The following GTF3C4 variants were observed in gnomAD, a reference collection of about 807,000 sequenced individuals.
GTF3C4 encodes the protein general transcription factor 3C polypeptide 4.
GTF3C4 carries 28 observed loss-of-function variants against 67.5 expected under a neutral mutation model. That is an observed-to-expected ratio of 0.41 (90% confidence interval 0.31 to 0.57). The LOEUF is 0.57. Among genes scored for constraint, GTF3C4 ranks in the 20% least tolerant of loss-of-function variants. The probability of loss-of-function intolerance (pLI) is 0.21; values close to 1 mark genes in which losing one functional copy is unlikely to be tolerated. For synonymous variants in GTF3C4, 409 were observed against 393.0 expected (o/e 1.04, Z -0.48); for missense variants, 831 against 1,033.2 (o/e 0.80, Z 2.68).
In GTF3C4 at chr9:132,689,945, CT is replaced by C. The variant is rs1836089012; in HGVS notation, c.*1003del. ...TAAGTTGAACAGAGCCTGGGAATTT[CT>C]TTCCTCTGCACAGTCCCTTGATATT... On this transcript the variant is annotated 3_prime_UTR_variant, in exon 5 of 5. Coordinates refer to ENST00000372146, the MANE Select transcript of GTF3C4 (RefSeq NM_012204.4). The C allele has an allele frequency of 6.6e-6, 1 of 152,192 alleles. No individual in the cohort carries two copies. Among genetic ancestry groups the C allele is most frequent in the Non-Finnish European group, 1.5e-5 (1 of 68,054 alleles). The allele number at this position is 152,192 out of a possible 1,614,324, so 9.4% of individuals were successfully genotyped here.
upstream of GTF3C4, chr9:132,670,085 CG>C (rs1835648676): frequency 6.4e-7 from 1 of 1,560,788 alleles, no homozygotes; most frequent in Non-Finnish European, 8.7e-7. Flanking sequence ...CGAGGGGAGC[CG>C]GGGACGGCGG....
chr9:132,673,807 CATT>C (rs1295980600), intron 1 of GTF3C4, among the ~76,000 whole-genome samples: 6 of 152,152 alleles, frequency 3.9e-5, no homozygotes, highest in African/African-American at 1.4e-4. Flanking sequence ...ATAGTTCAGA[CATT>C]AATTATCAGC....
At chr9:132,670,264 T>A (rs759970516), upstream of GTF3C4, 1 of 1,518,998 alleles carries the variant, frequency 6.6e-7, no homozygotes. Context: ...CCGACGAGCC[T>A]CCCCTTTACC....
At chr9:132,676,420 G>A (rs1835866086) in intron 1 of GTF3C4, among the ~76,000 whole-genome samples, 1 of 149,930 alleles carries the variant, frequency 6.7e-6, no homozygotes, top group South Asian at 2.1e-4. Flanking sequence ...CCAGATTCAA[G>A]CAGTTCTCCT....
chr9:132,677,692 C>T (rs1418997699), intron 1 of GTF3C4, among the ~76,000 whole-genome samples: 1 of 152,158 alleles, frequency 6.6e-6, no homozygotes, highest in Admixed American at 6.5e-5. Context: ...CTAAAGCTGG[C>T]ATTTGTATTG....
At position 132,687,276 on chromosome 9, in the gene GTF3C4, T is replaced by C. The variant is rs1033266842; in HGVS notation, c.2353T>C (p.Tyr785His). 3.1e-5 allele frequency: 50 copies of C among 1,599,968 alleles called. No homozygotes were observed. The highest frequency in any genetic ancestry group is 4.0e-5 in the Non-Finnish European group (47 of 1,175,840). ...LTYQSCQSLI[Y>H]RRCLLHDSIA... ...CTACCAGTCCTGCCAGAGTTTGATA[T>C]ATAGAAGGTGTTTGCTCCATGACAG... The change falls in exon 4 of 5, where the codon TAT becomes CAT. Residue 785 changes from tyrosine (Y) to histidine (H), a missense_variant. Transcript: ENST00000372146.
At chr9:132,682,593 A>ATTT (rs1348933474) in intron 2 of GTF3C4, among the ~76,000 whole-genome samples, 3 of 124,422 alleles carry the variant, frequency 2.4e-5, no homozygotes, top group African/African-American at 1.0e-4. Flanking sequence ...AAACAGTATA[A>ATTT]TCTTTTTTTT....
intron 1 of GTF3C4, among the ~76,000 whole-genome samples, chr9:132,674,809 C>T (rs1835840480): frequency 6.6e-6 from 1 of 152,224 alleles, no homozygotes; most frequent in Non-Finnish European, 1.5e-5. Flanking sequence ...GCCGGAGGAT[C>T]GCTTGAGCCC....
Position 132,675,400 on chromosome 9 carries a change from T to G in GTF3C4, c.358-2577T>G, listed in dbSNP as rs138652530. The stretch of plus-strand genomic sequence containing the variant: ...ACCTACACCTCATTTAATTGGCATT[T>G]TCAGTCTATGATTCTCCAGCAAGTT... On this transcript the variant is annotated intron_variant, in intron 1 of 4. Transcript: ENST00000372146. Among the ~76,000 whole-genome samples the G allele has an allele frequency of 1.0e-3, 158 of 152,320 alleles. 2 individuals carry two copies. In the East Asian group the frequency reaches 0.028, roughly 27 times the overall value.
chr9:132,683,946 T>C (rs995928258), intron 3 of GTF3C4, among the ~76,000 whole-genome samples: 1 of 152,220 alleles, frequency 6.6e-6, no homozygotes, highest in Non-Finnish European at 1.5e-5. Flanking sequence ...ATTTTCCTAA[T>C]TGAACAAATT....
At position 132,671,137 on chromosome 9, in the gene GTF3C4, C is replaced by T. The variant is rs899924336; in HGVS notation, c.357+182C>T. Among the ~76,000 whole-genome samples, 3 of 152,004 alleles carry T rather than the reference C, an allele frequency of 2.0e-5. 1 individual carries two copies. Among genetic ancestry groups the T allele is most frequent in the Admixed American group, 2.0e-4 (3 of 15,254 alleles). ...TAAAAAAAAAAAAAGAAAAGCTCTG[C>T]AGCTGTCTGCACCCTGTTTCCCCAG... On this transcript the variant is annotated intron_variant, in intron 1 of 4. Coordinates refer to ENST00000372146, the MANE Select transcript of GTF3C4 (RefSeq NM_012204.4).
intron 2 of GTF3C4, among the ~76,000 whole-genome samples, chr9:132,683,024 CA>C (rs1835969907): frequency 6.6e-6 from 1 of 152,182 alleles, no homozygotes; most frequent in African/African-American, 2.4e-5. Context: ...CATGCCTCTG[CA>C]GTGGGGTCAG....
chr9:132,679,245 A>G lies in GTF3C4; in HGVS notation c.1626A>G (p.Leu542=), dbSNP rs377604864. 22 of 1,613,218 alleles carry G rather than the reference A, an allele frequency of 1.4e-5. No individual in the cohort carries two copies. In the African/African-American group the frequency reaches 2.9e-4, roughly 22 times the overall value. The change falls in exon 2 of 5, where the codon CTA becomes CTG. Residue 542 remains leucine, a synonymous_variant. Transcript: ENST00000372146. The surrounding 1 kb of genome is among the most constrained non-coding windows in gnomAD (Gnocchi z 5.9). ...NLFKQVDLID[L]VRWKILKDKH... ...TTAAGCAGGTAGATTTAATAGACCT[A>G]GTACGCTGGAAGATTTTAAAAGATA...
intron 1 of GTF3C4, among the ~76,000 whole-genome samples, chr9:132,677,403 C>T (rs540956847): frequency 2.2e-4 from 34 of 152,278 alleles, no homozygotes; most frequent in Middle Eastern, 6.8e-3. Context: ...CTCTGTCTTA[C>T]TGTCCCATAC....
chr9:132,686,131 T>C (rs1000216176), intron 3 of GTF3C4, among the ~76,000 whole-genome samples: 18 of 145,052 alleles, frequency 1.2e-4, no homozygotes, highest in Non-Finnish European at 2.6e-4. Context: ...ACAGATGAGA[T>C]TGGGGCCTGG....
In GTF3C4 at chr9:132,678,094, C is replaced by T. The variant is rs1340310794; in HGVS notation, c.475C>T (p.Pro159Ser). ...RVFNPEGKAL[P>S]PMRGFKYTSW... ...GTTCAACCCTGAGGGGAAGGCTTTA[C>T]CACCAATGAGAGGATTCAAGTACAC... The change falls in exon 2 of 5, where the codon CCA becomes TCA. Residue 159 changes from proline to serine, a missense_variant. Transcript: ENST00000372146. The surrounding 1 kb of genome is among the most constrained non-coding windows in gnomAD (Gnocchi z 6.5). 1.2e-6 allele frequency: 2 copies of T among 1,614,182 alleles called. No individual in the cohort carries two copies. The highest frequency in any genetic ancestry group is 2.2e-5 in the South Asian group (2 of 91,088).
At position 132,670,848 on chromosome 9, in the gene GTF3C4, C is replaced by T. The variant is rs767061987; in HGVS notation, c.250C>T (p.Arg84Cys). The change falls in exon 1 of 5, where the codon CGC (arginine) becomes TGC (cysteine). Residue 84 changes from arginine to cysteine, a missense_variant. This residue lies in a region of GTF3C4 where 237 missense variants were observed against 212.7 expected (regional missense o/e 1.11). Coordinates refer to ENST00000372146, the MANE Select transcript of GTF3C4 (RefSeq NM_012204.4). ...CCACCGCGTGTCTGTGTCCACGGCCCGCAGCATCGCTGTGCTGGAGCTCAT... is the reference window on the plus strand; with the variant it reads ...CCACCGCGTGTCTGTGTCCACGGCCTGCAGCATCGCTGTGCTGGAGCTCAT... ...EDHRVSVSTARSIAVLELICD... is the reference protein window; with the variant it reads ...EDHRVSVSTACSIAVLELICD... 1.4e-5 allele frequency: 22 copies of T among 1,611,210 alleles called. 1 individual carries two copies. In the South Asian group the frequency reaches 2.3e-4, roughly 17 times the overall value.
chr9:132,678,219 G>T lies in GTF3C4; in HGVS notation c.600G>T (p.Leu200=). 6.2e-7 allele frequency: 1 copy of T among 1,614,212 alleles called. No individual in the cohort carries two copies. ...CCATCCAGGCAAATCTCAACAGACT[G>T]CAGTGGGTCCAGCTGGTTGACCTGA... The part of the protein sequence containing the change: ...RLTIQANLNR[L]QWVQLVDLTE... The change falls in exon 2 of 5, where the codon CTG becomes CTT. Residue 200 remains leucine, a synonymous_variant. Transcript: ENST00000372146. The surrounding 1 kb of genome is among the most constrained non-coding windows in gnomAD (Gnocchi z 6.5).
rs1471061777 is a variant in GTF3C4, at chr9:132,690,022, A to G, written c.*1077A>G. 1 of 152,272 alleles carries G rather than the reference A, an allele frequency of 6.6e-6. No homozygotes were observed. Among genetic ancestry groups the G allele is most frequent in the Admixed American group, 6.5e-5 (1 of 15,280 alleles). The allele number at this position is 152,272 out of a possible 1,614,324, so 9.4% of individuals were successfully genotyped here. A position where few individuals can be genotyped will look rare whatever the true frequency, so the allele number is the denominator to read the frequency against. On this transcript the variant is annotated 3_prime_UTR_variant, in exon 5 of 5. Transcript: ENST00000372146. ...CCTACCCACCCAGTGGTCTGTTAAG[A>G]TGTCTCAGATGGGGCTGGGCTTGGT...
Sources: allele counts gnomAD v4.1 joint callset (sites outside exome capture counted in the v4.1 genomes callset), GRCh38; gene constraint gnomAD v4.1.1; regional missense constraint gnomAD v4.1.1; non-coding constraint Gnocchi (gnomAD v3.1); transcripts MANE v1.5; gene names NCBI Gene and HGNC (gene_info 2026-07-23, HGNC 2026-07-21).